KCNJ6: variants seen among roughly 807,000 people sequenced by gnomAD.
KCNJ6 encodes potassium inwardly rectifying channel subfamily J member 6.
In KCNJ6, 9 loss-of-function variants were observed where a neutral mutation model predicts 34.2. The observed-to-expected ratio is 0.26, with a 90% confidence interval of 0.16 to 0.46. The LOEUF is 0.46. Among genes scored for constraint, KCNJ6 ranks in the 20% least tolerant of loss-of-function variants. The pLI, the probability that KCNJ6 is intolerant of heterozygous loss-of-function variation, is 1.00. For synonymous variants in KCNJ6, 196 were observed against 207.1 expected (o/e 0.95, Z 0.46); for missense variants, 236 against 531.3 (o/e 0.44, Z 5.46).
chr21:37,852,706 A>G (rs1222719212), intron 1 of KCNJ6, among the ~76,000 whole-genome samples: 2 of 152,234 alleles, frequency 1.3e-5, no homozygotes, highest in African/African-American at 2.4e-5. Flanking sequence ...CTGAATGACT[A>G]AAGACAAATA....
Position 37,714,533 on chromosome 21 carries a change from A to G in KCNJ6, c.624T>C (p.His208=), listed in dbSNP as rs1450795768. The change falls in exon 3 of 4, where the codon CAT becomes CAC. Residue 208 remains histidine (H), a synonymous_variant. Transcript: ENST00000609713. The surrounding 1 kb of genome is among the most constrained non-coding windows in gnomAD (Gnocchi z 5.9). ...KRAETLVFST[H]AVISMRDGKL... The stretch of plus-strand genomic sequence containing the variant: ...TCCCATCCCGCATGGAGATCACTGC[A>G]TGGGTGGAAAAGACCAGGGTCTCTG... 8 of 1,614,046 alleles carry G rather than the reference A, an allele frequency of 5.0e-6. No individual in the cohort carries two copies. In the African/African-American group the frequency reaches 9.3e-5, roughly 19 times the overall value.
Position 37,695,702 on chromosome 21 carries a change from C to T in KCNJ6, c.946+18509G>A, listed in dbSNP as rs1569447071. Among the ~76,000 whole-genome samples the T allele has an allele frequency of 6.6e-6, 1 of 152,162 alleles. No individual in the cohort carries two copies. The highest frequency in any genetic ancestry group is 1.9e-4 in the East Asian group (1 of 5,194). ...AGCAGCCAGTTAAGCTGGGCTAGAA[C>T]CGACCTCTTTTGTAAATGGAGGGAC... On this transcript the variant is annotated intron_variant, in intron 3 of 3. Transcript: ENST00000609713. The surrounding 1 kb of genome is among the most constrained non-coding windows in gnomAD (Gnocchi z 4.2).
chr21:37,718,006 G>A (rs1412216472), intron 2 of KCNJ6, among the ~76,000 whole-genome samples: 1 of 152,222 alleles, frequency 6.6e-6, no homozygotes, highest in Non-Finnish European at 1.5e-5. Context: ...AGCGATCAGT[G>A]CTCTGGAAAG....
chr21:37,831,266 AAGAGCCTACT>A (rs1326333574), intron 2 of KCNJ6, among the ~76,000 whole-genome samples: 1 of 152,358 alleles, frequency 6.6e-6, no homozygotes, highest in African/African-American at 2.4e-5. Flanking sequence ...ACAGACAGGG[AAGAGCCTACT>A]AGCTTGCTTT....
chr21:37,660,852 G>A (rs937774206), intron 3 of KCNJ6, among the ~76,000 whole-genome samples: 27 of 152,306 alleles, frequency 1.8e-4, no homozygotes, highest in African/African-American at 5.1e-4. Context: ...CGGTGTCCCC[G>A]TCTGTGCCTT....
At chr21:37,638,685 C>T (rs541161246) in intron 3 of KCNJ6, among the ~76,000 whole-genome samples, 1 of 152,256 alleles carries the variant, frequency 6.6e-6, no homozygotes, top group Non-Finnish European at 1.5e-5. Context: ...GGTGTTTATT[C>T]TCTGCCCAAA....
chr21:37,610,620 A>AAAAAAAAAAAAAAAAAAAAAAAAAG lies in KCNJ6; in HGVS notation c.*14538_*14539insCTTTTTTTTTTTTTTTTTTTTTTTT, dbSNP rs34782067. The AAAAAAAAAAAAAAAAAAAAAAAAAG allele has an allele frequency of 6.7e-6, 1 of 149,526 alleles. No individual in the cohort carries two copies. The highest frequency in any genetic ancestry group is 2.5e-5 in the African/African-American group (1 of 40,770). 9.3% of individuals were successfully genotyped at this position (149,526 alleles called of 1,614,324 possible). A position where few individuals can be genotyped will look rare whatever the true frequency, so the allele number is the denominator to read the frequency against. ...TCTTAAAAAAAAAAAAAAAAAAAAA[A>AAAAAAAAAAAAAAAAAAAAAAAAAG]GGAATACAAGTCCTACAATGTTTGC... On this transcript the variant is annotated 3_prime_UTR_variant, in exon 4 of 4. Transcript: ENST00000609713.
At chr21:37,638,951 G>A (rs2054369658) in intron 3 of KCNJ6, among the ~76,000 whole-genome samples, 1 of 152,112 alleles carries the variant, frequency 6.6e-6, no homozygotes, top group Non-Finnish European at 1.5e-5. Flanking sequence ...ACTCTACTGA[G>A]GAATTGCTTA....
chr21:37,769,543 C>T (rs530134520), intron 2 of KCNJ6, among the ~76,000 whole-genome samples: 2 of 151,876 alleles, frequency 1.3e-5, no homozygotes, highest in East Asian at 3.9e-4. Flanking sequence ...CTAGGACCCA[C>T]ACCCTAATAT....
In KCNJ6 at chr21:37,616,021, T is replaced by G. The variant is rs73220491; in HGVS notation, c.*9138A>C. On this transcript the variant is annotated 3_prime_UTR_variant, in exon 4 of 4. Coordinates refer to ENST00000609713, the MANE Select transcript of KCNJ6 (RefSeq NM_002240.5). ...ACCTGGCGTGCGGAGGGAGCTCCTG[T>G]GTGCTGGGTCCTACTCCACATTACC... 47,239 of 151,902 alleles carry G rather than the reference T, an allele frequency of 0.31. 7,518 individuals are homozygous for G. Among genetic ancestry groups the G allele is most frequent in the South Asian group, 0.35 (1,672 of 4,820 alleles). 9.4% of individuals were successfully genotyped at this position (151,902 alleles called of 1,614,324 possible). A position where few individuals can be genotyped will look rare whatever the true frequency, so the allele number is the denominator to read the frequency against.
intron 2 of KCNJ6, among the ~76,000 whole-genome samples, chr21:37,824,086 T>C (rs1394473607): frequency 6.6e-6 from 1 of 152,190 alleles, no homozygotes; most frequent in South Asian, 2.1e-4. Flanking sequence ...ATCCATGATA[T>C]CTCCATGGAG....
At position 37,615,040 on chromosome 21, in the gene KCNJ6, G is replaced by T. The variant is rs1462863741; in HGVS notation, c.*10119C>A. ...TCACAGAATTAGAAAATACACAGAA[G>T]AAATTCTTACAGTGCAGTTGTCGAG... is the stretch of plus-strand genomic sequence containing the variant. On this transcript the variant is annotated 3_prime_UTR_variant, in exon 4 of 4. Coordinates refer to ENST00000609713, the MANE Select transcript of KCNJ6 (RefSeq NM_002240.5). The T allele has an allele frequency of 6.6e-6, 1 of 152,164 alleles. No individual in the cohort carries two copies. The highest frequency in any genetic ancestry group is 2.1e-4 in the South Asian group (1 of 4,826). The allele number at this position is 152,164 out of a possible 1,614,324, so 9.4% of individuals were successfully genotyped here. A position where few individuals can be genotyped will look rare whatever the true frequency, so the allele number is the denominator to read the frequency against.
At chr21:37,817,900 A>G (rs1191285992) in intron 2 of KCNJ6, among the ~76,000 whole-genome samples, 2 of 152,154 alleles carry the variant, frequency 1.3e-5, no homozygotes, top group African/African-American at 2.4e-5. Context: ...TAATTGTCTG[A>G]ATATCATTAA....
At chr21:37,891,052 A>G (rs1440777547) in intron 1 of KCNJ6, among the ~76,000 whole-genome samples, 1 of 152,218 alleles carries the variant, frequency 6.6e-6, no homozygotes, top group Non-Finnish European at 1.5e-5. Context: ...TGATCTCCTG[A>G]ATCTAACTGT....
chr21:37,807,770 T>C (rs1404106201), intron 2 of KCNJ6, among the ~76,000 whole-genome samples: 1 of 152,218 alleles, frequency 6.6e-6, no homozygotes, highest in Non-Finnish European at 1.5e-5. Flanking sequence ...TCCTAATCAA[T>C]GCATAATCTT....
intron 2 of KCNJ6, among the ~76,000 whole-genome samples, chr21:37,818,207 C>CGT (rs1281572811): frequency 0.21 from 16,582 of 80,784 alleles, 1,071 homozygotes; most frequent in East Asian, 0.44. Flanking sequence ...TGTGTGTGTG[C>CGT]GTGCGTGTGT....
rs80248253 is a variant in KCNJ6, at chr21:37,700,644, A to C, written c.946+13567T>G. ...TCCAGCAGGAGGGCTTGGTGGCATG[A>C]ACCAGGGCAGCGGCCAAGCCCCTGA... On this transcript the variant is annotated intron_variant, in intron 3 of 3. Coordinates refer to ENST00000609713, the MANE Select transcript of KCNJ6 (RefSeq NM_002240.5). Among the ~76,000 whole-genome samples, 832 of 152,288 alleles carry C rather than the reference A, an allele frequency of 5.5e-3. 3 individuals are homozygous for C. The highest frequency in any genetic ancestry group is 0.014 in the Middle Eastern group (4 of 294).
intron 3 of KCNJ6, among the ~76,000 whole-genome samples, chr21:37,646,493 T>A (rs1164107911): frequency 6.6e-6 from 1 of 152,178 alleles, no homozygotes; most frequent in African/African-American, 2.4e-5. Flanking sequence ...GTAACAGCAC[T>A]GTGTGCCTCT....
Position 37,615,795 on chromosome 21 carries a change from GTT to G in KCNJ6, c.*9362_*9363del. Reference sequence around the variant, plus strand: ...ATCTTCTAGGCAGAATTTATTTAGTGTTAAGAAAATGGCAACTCTTTGGACAT... The same window carrying G: ...ATCTTCTAGGCAGAATTTATTTAGTGAAGAAAATGGCAACTCTTTGGACAT... On this transcript the variant is annotated 3_prime_UTR_variant, in exon 4 of 4. Transcript: ENST00000609713. 1 of 152,270 alleles carries G rather than the reference GTT, an allele frequency of 6.6e-6. No homozygotes were observed. Among genetic ancestry groups the G allele is most frequent in the East Asian group, 1.9e-4 (1 of 5,190 alleles). The allele number at this position is 152,270 out of a possible 1,614,324, so 9.4% of individuals were successfully genotyped here.
Sources: gnomAD v4.1 joint callset for allele counts (sites outside exome capture counted in the v4.1 genomes callset) on GRCh38, gnomAD v4.1.1 for gene constraint, Gnocchi (gnomAD v3.1) non-coding constraint, MANE v1.5 for transcripts, NCBI Gene and HGNC (gene_info 2026-07-23, HGNC 2026-07-21) for gene names.